Variants in NKAIN2 observed in about 807,000 individuals in gnomAD.
The protein encoded by NKAIN2 is sodium/potassium transporting ATPase interacting 2, also known as sodium/potassium-transporting ATPase subunit beta-1-interacting protein 2.
Under a neutral mutation model 32.6 loss-of-function variants are expected in NKAIN2, and 14 were observed. The observed-to-expected ratio is 0.43, with a 90% confidence interval of 0.28 to 0.67. The LOEUF is 0.67. Among genes scored for constraint, NKAIN2 ranks in the 30% least tolerant of loss-of-function variants. NKAIN2 has a pLI of 0.17. For missense variants in NKAIN2, 198 were observed against 258.3 expected (o/e 0.77, Z 1.60); for synonymous variants, 80 against 87.2 (o/e 0.92, Z 0.46).
intron 1 of NKAIN2, among the ~76,000 whole-genome samples, chr6:123,914,158 C>T (rs1345662054): frequency 1.3e-5 from 2 of 152,080 alleles, no homozygotes; most frequent in East Asian, 1.9e-4. Flanking sequence ...CTCTTTCTCT[C>T]TTACCAGTAA....
At chr6:124,410,319 T>G (rs1583207116) in intron 3 of NKAIN2, among the ~76,000 whole-genome samples, 1 of 152,320 alleles carries the variant, frequency 6.6e-6, no homozygotes, top group East Asian at 1.9e-4. Flanking sequence ...CTCCTTTCTC[T>G]TGTGGGCATT....
At chr6:124,375,143 C>T (rs1466719359) in intron 3 of NKAIN2, among the ~76,000 whole-genome samples, 1 of 151,962 alleles carries the variant, frequency 6.6e-6, no homozygotes, top group Non-Finnish European at 1.5e-5. Context: ...CTTATCTTCA[C>T]GTAGGTCTCT....
chr6:123,915,326 AC>A lies in NKAIN2; in HGVS notation c.54+111074del, dbSNP rs575939957. On this transcript the variant is annotated intron_variant, in intron 1 of 6. Coordinates refer to ENST00000368417, the MANE Select transcript of NKAIN2 (RefSeq NM_001040214.3). ...CCTGGAAATCATCTTCCATTTTGGC[AC>A]CATTTCTTGATTGCCATCTTGATAG... Among the ~76,000 whole-genome samples the A allele has an allele frequency of 3.3e-5, 5 of 152,148 alleles. No homozygotes were observed. In the South Asian group the frequency reaches 1.0e-3, roughly 32 times the overall value.
intron 1 of NKAIN2, among the ~76,000 whole-genome samples, chr6:123,894,267 G>A (rs1252703099): frequency 6.6e-6 from 1 of 152,040 alleles, no homozygotes; most frequent in Non-Finnish European, 1.5e-5. Context: ...GTTCACTGTG[G>A]GTCAGCGAGT....
At chr6:124,058,353 A>C (rs1782766200) in intron 1 of NKAIN2, among the ~76,000 whole-genome samples, 1 of 152,198 alleles carries the variant, frequency 6.6e-6, no homozygotes, top group South Asian at 2.1e-4. Flanking sequence ...TATATGAAGA[A>C]AGAATGCCCA....
At chr6:124,145,953 G>A (rs577269113) in intron 1 of NKAIN2, among the ~76,000 whole-genome samples, 2 of 152,174 alleles carry the variant, frequency 1.3e-5, no homozygotes, top group African/African-American at 4.8e-5. Flanking sequence ...GACTGTGGGA[G>A]TAGGTACATG....
At chr6:124,488,372 T>C (rs1777735446) in intron 3 of NKAIN2, among the ~76,000 whole-genome samples, 1 of 152,038 alleles carries the variant, frequency 6.6e-6, no homozygotes, top group Admixed American at 6.6e-5. Context: ...GTATTTGTAC[T>C]TTGTTTCTGT....
At chr6:124,781,901 T>C (rs1779285142) in intron 4 of NKAIN2, among the ~76,000 whole-genome samples, 5 of 152,092 alleles carry the variant, frequency 3.3e-5, no homozygotes. Context: ...AAAAAACTGG[T>C]CTTCAAATTT....
At chr6:124,333,108 C>A (rs1371391963) in intron 2 of NKAIN2, among the ~76,000 whole-genome samples, 1 of 151,768 alleles carries the variant, frequency 6.6e-6, no homozygotes, top group Non-Finnish European at 1.5e-5. Context: ...ATGCATATAC[C>A]AAAAGTCAGT....
chr6:124,567,448 A>G (rs1780961098), intron 3 of NKAIN2, among the ~76,000 whole-genome samples: 1 of 152,156 alleles, frequency 6.6e-6, no homozygotes, highest in African/African-American at 2.4e-5. Context: ...TCTTGAATTT[A>G]CCCATTTGTA....
At chr6:124,064,922 A>G (rs1220546672) in intron 1 of NKAIN2, among the ~76,000 whole-genome samples, 1 of 152,076 alleles carries the variant, frequency 6.6e-6, no homozygotes, top group Non-Finnish European at 1.5e-5. Context: ...TCAACCAATT[A>G]GTTGTCTATC....
chr6:124,123,120 A>G (rs1020398761), intron 1 of NKAIN2, among the ~76,000 whole-genome samples: 1 of 152,050 alleles, frequency 6.6e-6, no homozygotes, highest in Non-Finnish European at 1.5e-5. Context: ...TATAAATGTA[A>G]GCTGTTACTG....
At chr6:124,203,279 T>G (rs899762422) in intron 1 of NKAIN2, among the ~76,000 whole-genome samples, 7 of 151,886 alleles carry the variant, frequency 4.6e-5, no homozygotes, top group African/African-American at 1.7e-4. Context: ...CAATGGCTGA[T>G]TTTAGAGTAG....
intron 1 of NKAIN2, among the ~76,000 whole-genome samples, chr6:123,887,320 A>G (rs1475554616): frequency 3.3e-5 from 5 of 152,130 alleles, no homozygotes; most frequent in Admixed American, 6.5e-5. Flanking sequence ...ATTGTTCTTC[A>G]TGGTTAAGAG....
At chr6:124,461,191 C>T (rs1676309337) in intron 3 of NKAIN2, among the ~76,000 whole-genome samples, 6 of 151,572 alleles carry the variant, frequency 4.0e-5, no homozygotes, top group Admixed American at 4.0e-4. Flanking sequence ...ATTCCTTGGT[C>T]AAAAAAGGTC....
intron 3 of NKAIN2, among the ~76,000 whole-genome samples, chr6:124,567,913 C>T (rs150538157): frequency 2.0e-5 from 3 of 152,102 alleles, no homozygotes; most frequent in Non-Finnish European, 2.9e-5. Flanking sequence ...CCTGATCTAG[C>T]GTGTGTTGAC....
intron 4 of NKAIN2, among the ~76,000 whole-genome samples, chr6:124,708,791 C>G (rs1298683797): frequency 1.3e-5 from 2 of 150,722 alleles, no homozygotes; most frequent in Non-Finnish European, 2.9e-5. Flanking sequence ...CAAACAGGGA[C>G]AATTTGACTT....
chr6:124,721,391 G>A (rs1362207163), intron 4 of NKAIN2, among the ~76,000 whole-genome samples: 1 of 136,272 alleles, frequency 7.3e-6, no homozygotes, highest in Non-Finnish European at 1.5e-5. Flanking sequence ...GCGACAGAAC[G>A]AGACTCCGTC....
At chr6:124,343,291 AC>A (rs1192605334) in intron 2 of NKAIN2, among the ~76,000 whole-genome samples, 1 of 151,842 alleles carries the variant, frequency 6.6e-6, no homozygotes, top group Non-Finnish European at 1.5e-5. Flanking sequence ...AAATAAACAT[AC>A]GTGTGCATGT....
Sources: allele counts gnomAD v4.1 joint callset (sites outside exome capture counted in the v4.1 genomes callset), GRCh38; gene constraint gnomAD v4.1.1; transcripts MANE v1.5; gene names NCBI Gene and HGNC (gene_info 2026-07-23, HGNC 2026-07-21).